LRRTM4: variants seen among roughly 807,000 people sequenced by gnomAD.
LRRTM4 encodes leucine-rich repeat transmembrane neuronal protein 4.
A neutral mutation model predicts 47.6 loss-of-function variants in LRRTM4; 25 were observed. The observed-to-expected ratio is 0.53, with a 90% CI of 0.38 to 0.73. The LOEUF is 0.73. LRRTM4 is among the 30% of genes least tolerant of loss of function. The probability of loss-of-function intolerance (pLI) is 0.00; values close to 1 mark genes in which losing one functional copy is unlikely to be tolerated. For missense variants in LRRTM4, 638 were observed against 713.4 expected (o/e 0.89, Z 1.20); for synonymous variants, 311 against 269.5 (o/e 1.15, Z -1.51).
At chr2:76,947,177 T>G (rs1675349082) in intron 3 of LRRTM4, among the ~76,000 whole-genome samples, 1 of 151,854 alleles carries the variant, frequency 6.6e-6, no homozygotes, top group Admixed American at 6.6e-5. Flanking sequence ...AGTAATAAGC[T>G]GATAATAATA....
chr2:76,864,741 G>C lies in LRRTM4; in HGVS notation c.1552-115825C>G, dbSNP rs1298943791. 1.3e-5 allele frequency among the ~76,000 whole-genome samples: 2 copies of C among 150,752 alleles called. 1 individual carries two copies. Among genetic ancestry groups the C allele is most frequent in the East Asian group, 4.0e-4 (2 of 5,056 alleles). ...TCAATTTTTTCCCTTTCTTTTTTAAGACAAGGTCTCTCTGTTTTTCTGTTG... is the reference window on the plus strand; with the variant it reads ...TCAATTTTTTCCCTTTCTTTTTTAACACAAGGTCTCTCTGTTTTTCTGTTG... On this transcript the variant is annotated intron_variant, in intron 3 of 3. Coordinates refer to ENST00000409884, the MANE Select transcript of LRRTM4 (RefSeq NM_001134745.3).
chr2:76,880,630 G>GA (rs964793185), intron 3 of LRRTM4, among the ~76,000 whole-genome samples: 9 of 151,824 alleles, frequency 5.9e-5, no homozygotes, highest in Middle Eastern at 6.8e-3. Flanking sequence ...AGTATTGGAA[G>GA]AAAAAAAACC....
intron 3 of LRRTM4, among the ~76,000 whole-genome samples, chr2:77,107,922 G>C (rs1558583841): frequency 1.3e-5 from 2 of 151,296 alleles, no homozygotes; most frequent in Admixed American, 6.6e-5. Flanking sequence ...ATTATAAGTT[G>C]TTTAGAAAAT....
At chr2:77,237,562 G>T (rs922398633) in intron 3 of LRRTM4, among the ~76,000 whole-genome samples, 2 of 152,046 alleles carry the variant, frequency 1.3e-5, no homozygotes, top group African/African-American at 4.8e-5. Context: ...ATTGAGTTCT[G>T]ATTTGATTTT....
chr2:77,423,340 T>TA lies in LRRTM4; in HGVS notation c.1551+94977dup, dbSNP rs1232160501. Among the ~76,000 whole-genome samples, 3 of 131,264 alleles carry TA rather than the reference T, an allele frequency of 2.3e-5. No homozygotes were observed. The East Asian group carries it at 6.0e-4, about 26-fold the overall frequency. The allele number at this position is 131,264 out of a possible 152,430, so 86.1% of individuals were successfully genotyped here. A position where few individuals can be genotyped will look rare whatever the true frequency, so the allele number is the denominator to read the frequency against. On this transcript the variant is annotated intron_variant, in intron 3 of 3. Coordinates refer to ENST00000409884, the MANE Select transcript of LRRTM4 (RefSeq NM_001134745.3). The stretch of plus-strand genomic sequence containing the variant: ...TCTCTTTGGAATAATTCCCAAAATT[T>TA]AAATAACTGAATATAAGGTCTCATC...
intron 3 of LRRTM4, among the ~76,000 whole-genome samples, chr2:77,215,113 A>C (rs1573087458): frequency 6.6e-6 from 1 of 152,198 alleles, no homozygotes; most frequent in African/African-American, 2.4e-5. Flanking sequence ...TCAATTAAGT[A>C]CAATCTATAT....
intron 3 of LRRTM4, among the ~76,000 whole-genome samples, chr2:76,757,471 C>T (rs944848915): frequency 6.6e-6 from 1 of 152,006 alleles, no homozygotes; most frequent in African/African-American, 2.4e-5. Context: ...GCTTTGACTC[C>T]ATTAACTGGG....
chr2:77,456,264 T>C (rs1676536564), intron 3 of LRRTM4, among the ~76,000 whole-genome samples: 1 of 152,204 alleles, frequency 6.6e-6, no homozygotes, highest in African/African-American at 2.4e-5. Flanking sequence ...TCTGAAAGTT[T>C]TACTATTTCC....
At chr2:77,497,290 A>G (rs1053042327) in intron 3 of LRRTM4, among the ~76,000 whole-genome samples, 1 of 150,556 alleles carries the variant, frequency 6.6e-6, no homozygotes, top group African/African-American at 2.4e-5. Context: ...TCTGCTTTTT[A>G]TTCTGTTGAT....
chr2:77,195,981 C>G (rs1673814993), intron 3 of LRRTM4, among the ~76,000 whole-genome samples: 1 of 152,170 alleles, frequency 6.6e-6, no homozygotes, highest in South Asian at 2.1e-4. Flanking sequence ...AGCTATTAAT[C>G]TTTCCTGACA....
At chr2:76,840,974 A>T in intron 3 of LRRTM4, among the ~76,000 whole-genome samples, 1 of 151,252 alleles carries the variant, frequency 6.6e-6, no homozygotes, top group South Asian at 2.1e-4. Flanking sequence ...ACACATGCAC[A>T]CGTATGTTTA....
At chr2:77,140,237 A>G (rs948541206) in intron 3 of LRRTM4, among the ~76,000 whole-genome samples, 1 of 152,200 alleles carries the variant, frequency 6.6e-6, no homozygotes, top group Non-Finnish European at 1.5e-5. Flanking sequence ...CTAAAATGCT[A>G]TAGTAACCAA....
chr2:77,317,035 CAAAT>C (rs1424509482), intron 3 of LRRTM4, among the ~76,000 whole-genome samples: 1 of 151,884 alleles, frequency 6.6e-6, no homozygotes, highest in African/African-American at 2.4e-5. Context: ...TCATAGAAAA[CAAAT>C]AAATGATTGT....
chr2:76,865,499 A>C (rs1672438567), intron 3 of LRRTM4, among the ~76,000 whole-genome samples: 1 of 152,192 alleles, frequency 6.6e-6, no homozygotes, highest in African/African-American at 2.4e-5. Context: ...GTCTATCCTC[A>C]TCATTTTATC....
intron 3 of LRRTM4, among the ~76,000 whole-genome samples, chr2:77,140,062 T>C (rs75005587): frequency 1.3e-5 from 2 of 152,142 alleles, no homozygotes; most frequent in Non-Finnish European, 2.9e-5. Flanking sequence ...AGGTAATTTA[T>C]AGATTCAATG....
At chr2:77,363,120 C>A (rs1339044230) in intron 3 of LRRTM4, among the ~76,000 whole-genome samples, 1 of 152,132 alleles carries the variant, frequency 6.6e-6, no homozygotes, top group South Asian at 2.1e-4. Flanking sequence ...AAGTTTACTT[C>A]GTGAATCCAT....
intron 3 of LRRTM4, among the ~76,000 whole-genome samples, chr2:77,456,390 A>G (rs1475832157): frequency 6.6e-6 from 1 of 152,132 alleles, no homozygotes; most frequent in African/African-American, 2.4e-5. Context: ...TCTTTCCACA[A>G]ATAATTTGCA....
intron 3 of LRRTM4, among the ~76,000 whole-genome samples, chr2:76,968,168 A>G (rs1447083611): frequency 1.3e-5 from 2 of 151,232 alleles, no homozygotes; most frequent in Non-Finnish European, 3.0e-5. Context: ...GGAAAAAAAA[A>G]GTAGCTTACA....
intron 3 of LRRTM4, among the ~76,000 whole-genome samples, chr2:76,864,105 G>C (rs1672397591): frequency 1.3e-5 from 2 of 152,156 alleles, no homozygotes; most frequent in Admixed American, 6.5e-5. Flanking sequence ...TTTGCTAGGA[G>C]AAGAAAAGTC....
Sources: gnomAD v4.1 joint callset for allele counts (sites outside exome capture counted in the v4.1 genomes callset) on GRCh38, gnomAD v4.1.1 for gene constraint, MANE v1.5 for transcripts, NCBI Gene and HGNC (gene_info 2026-07-23, HGNC 2026-07-21) for gene names.